Variants in NFU1 observed in about 807,000 individuals in gnomAD.
NFU1 encodes NFU1 iron-sulfur cluster scaffold homolog, mitochondrial.
In NFU1, 30 loss-of-function variants were observed where a neutral mutation model predicts 32.2. The ratio of observed to expected loss-of-function variants is 0.93; its 90% CI spans 0.70 to 1.26. NFU1 has a LOEUF of 1.26. NFU1 is among the 50% of genes most tolerant of loss of function. NFU1 has a pLI of 0.00. For synonymous variants in NFU1, 112 were observed against 104.6 expected (o/e 1.07, Z -0.43); for missense variants, 306 against 306.6 (o/e 1.00, Z 0.02).
upstream of NFU1, among the ~76,000 whole-genome samples, chr2:69,439,417 T>C (rs1673987874): frequency 6.6e-6 from 1 of 152,232 alleles, no homozygotes. Flanking sequence ...GTGGTCTCAC[T>C]GACTTCAGGA....
chr2:69,410,739 G>A (rs1235408963), intron 5 of NFU1: 1 of 152,120 alleles, frequency 6.6e-6, no homozygotes, highest in Non-Finnish European at 1.5e-5. Context: ...CTCATACCAA[G>A]AAAAGAACAT....
intron 7 of NFU1, 164 bp downstream of exon 7, chr2:69,400,200 C>T: frequency 3.0e-6 from 2 of 663,816 alleles, no homozygotes; most frequent in Non-Finnish European, 2.6e-6. Context: ...TAAGAGACTT[C>T]AAGTCTGATA....
chr2:69,409,484 T>C (rs910555325), intron 5 of NFU1, among the ~76,000 whole-genome samples: 5 of 152,204 alleles, frequency 3.3e-5, no homozygotes, highest in African/African-American at 1.2e-4. Flanking sequence ...AAGATAATTA[T>C]ACAAATGTTT....
chr2:69,413,029 T>G (rs1416288244), intron 5 of NFU1, among the ~76,000 whole-genome samples: 3 of 152,108 alleles, frequency 2.0e-5, no homozygotes, highest in Admixed American at 6.5e-5. Context: ...GCTCAGTGGC[T>G]CATGCCTGTA....
Position 69,423,682 on chromosome 2 carries a change from T to A in NFU1, c.202A>T (p.Asn68Tyr), listed in dbSNP as rs924057225. The A allele has an allele frequency of 3.7e-6, 6 of 1,606,682 alleles. 1 individual carries two copies. In the African/African-American group the frequency reaches 8.0e-5, roughly 21 times the overall value. The change falls in exon 3 of 8, where the codon AAT becomes TAT. Residue 68 changes from asparagine to tyrosine, a missense_variant. Asn to Tyr is a moderately radical substitution (Grantham distance 143). Transcript: ENST00000410022. ...GGTATAAACTTTAAGCTGTTTGGAT[T>A]TGGGGTATCTTGTGTTTGAATAAAC... Reference protein sequence around the residue: ...YMFIQTQDTPNPNSLKFIPGK... With the variant: ...YMFIQTQDTPYPNSLKFIPGK...
At chr2:69,423,168 A>ATG (rs148401517) in intron 3 of NFU1, among the ~76,000 whole-genome samples, 31 of 108,796 alleles carry the variant, frequency 2.8e-4, no homozygotes, top group Admixed American at 1.2e-3. Context: ...GTGTGTGTGT[A>ATG]TGTGTGTGTG....
intron 6 of NFU1, among the ~76,000 whole-genome samples, chr2:69,402,165 G>A (rs1672544044): frequency 1.3e-5 from 2 of 152,302 alleles, no homozygotes; most frequent in Middle Eastern, 3.4e-3. Flanking sequence ...AAAGTGCCGG[G>A]ATTATGGGTG....
intron 7 of NFU1, among the ~76,000 whole-genome samples, chr2:69,398,422 G>A (rs1672407354): frequency 6.6e-6 from 1 of 152,172 alleles, no homozygotes; most frequent in African/African-American, 2.4e-5. Context: ...CTCCATCTTG[G>A]ATGCTAATCT....
intron 6 of NFU1, among the ~76,000 whole-genome samples, chr2:69,401,273 A>T (rs1364190651): frequency 2.0e-5 from 3 of 152,246 alleles, no homozygotes; most frequent in African/African-American, 7.2e-5. Flanking sequence ...CACAACAAAA[A>T]TGCTGCCATT....
intron 3 of NFU1, among the ~76,000 whole-genome samples, chr2:69,423,243 A>T (rs78814275): frequency 3.7e-4 from 33 of 88,010 alleles, no homozygotes; most frequent in Middle Eastern, 6.2e-3. Flanking sequence ...TCTCTGTGTG[A>T]GTGTGTGTGT....
chr2:69,425,171 C>A (rs1383580064), intron 2 of NFU1, among the ~76,000 whole-genome samples: 1 of 151,718 alleles, frequency 6.6e-6, no homozygotes, highest in Admixed American at 6.6e-5. Flanking sequence ...AGCCACCGCG[C>A]CCAGCCAAAG....
chr2:69,415,395 A>C, intron 4 of NFU1, 96 bp from the exon 5 acceptor site: 2 of 700,342 alleles, frequency 2.9e-6, no homozygotes, highest in Non-Finnish European at 5.0e-6. Flanking sequence ...TTTTTTTTTG[A>C]GATGGAGTCT....
chr2:69,423,534 T>C (rs766714295), intron 3 of NFU1, 48 bp downstream of exon 3: 1 of 1,569,882 alleles, frequency 6.4e-7, no homozygotes, highest in Non-Finnish European at 8.7e-7. Context: ...CCAAAGTCAG[T>C]TAGTTATTTA....
At chr2:69,427,900 G>A (rs1673518903) in intron 2 of NFU1, among the ~76,000 whole-genome samples, 1 of 151,894 alleles carries the variant, frequency 6.6e-6, no homozygotes, top group Non-Finnish European at 1.5e-5. Context: ...GTGCGCTCCT[G>A]TAATCCCAGC....
chr2:69,429,817 T>C, intron 2 of NFU1: 1 of 155,366 alleles, frequency 6.4e-6, no homozygotes, highest in Non-Finnish European at 1.4e-5. Flanking sequence ...TTACTTGAGC[T>C]CTGGAGTTCA....
chr2:69,396,331 T>C (rs1672330112), intron 7 of NFU1, 41 bp from the exon 8 acceptor site: 2 of 1,481,604 alleles, frequency 1.3e-6, no homozygotes. Context: ...ATTAAGAAAA[T>C]GATTAGATTT....
chr2:69,427,218 T>G (rs537492569), intron 2 of NFU1, among the ~76,000 whole-genome samples: 1 of 149,378 alleles, frequency 6.7e-6, no homozygotes, highest in South Asian at 2.1e-4. Context: ...AAACCCCGTC[T>G]CTACTAAAAA....
upstream of NFU1, chr2:69,437,594 T>A (rs1232780334): frequency 1.3e-6 from 1 of 783,026 alleles, no homozygotes; most frequent in Admixed American, 2.0e-5. Context: ...GGCTACTGCG[T>A]CACCCTGACC....
At chr2:69,409,940 T>C (rs529113719) in intron 5 of NFU1, among the ~76,000 whole-genome samples, 9 of 152,180 alleles carry the variant, frequency 5.9e-5, no homozygotes, top group Non-Finnish European at 1.2e-4. Flanking sequence ...TATGTGTATA[T>C]GCACATATAA....
Sources: gnomAD v4.1 joint callset for allele counts (sites outside exome capture counted in the v4.1 genomes callset) on GRCh38, gnomAD v4.1.1 for gene constraint, MANE v1.5 for transcripts, NCBI Gene and HGNC (gene_info 2026-07-23, HGNC 2026-07-21) for gene names.